DPP10: variants seen among roughly 807,000 people sequenced by gnomAD.
The protein encoded by DPP10 is inactive dipeptidyl peptidase 10.
A neutral mutation model predicts 120.9 loss-of-function variants in DPP10; 33 were observed. That is an observed-to-expected ratio of 0.27 (90% confidence interval 0.21 to 0.37). The LOEUF (loss-of-function observed/expected upper bound fraction) is 0.37. Ranked by LOEUF, DPP10 falls within the 10% of genes least tolerant of loss-of-function variation. DPP10 has a pLI of 1.00. For missense variants in DPP10, 816 were observed against 942.8 expected (o/e 0.87, Z 1.76); for synonymous variants, 337 against 326.1 (o/e 1.03, Z -0.36).
intron 1 of DPP10, among the ~76,000 whole-genome samples, chr2:114,795,389 G>A (rs1473084076): frequency 6.6e-6 from 1 of 152,110 alleles, no homozygotes; most frequent in Non-Finnish European, 1.5e-5. Flanking sequence ...CATTTGGGAG[G>A]CTGAGGCAGG....
intron 20 of DPP10, 115 bp downstream of exon 20, chr2:115,815,102 T>C (rs981220143): frequency 3.8e-6 from 4 of 1,063,210 alleles, no homozygotes; most frequent in Non-Finnish European, 3.8e-6. Flanking sequence ...TGAGCAATTT[T>C]GTAAGTTAAT....
At chr2:115,371,712 CT>C (rs1297368774) in intron 3 of DPP10, among the ~76,000 whole-genome samples, 1 of 151,892 alleles carries the variant, frequency 6.6e-6, no homozygotes, top group African/African-American at 2.4e-5. Context: ...CAGAATAATT[CT>C]GATATCCAAA....
intron 3 of DPP10, among the ~76,000 whole-genome samples, chr2:115,345,762 A>C (rs2063682793): frequency 6.6e-6 from 1 of 152,152 alleles, no homozygotes. Flanking sequence ...CTGCATGCTA[A>C]ATTAAAACAT....
chr2:115,228,017 G>C (rs1213973393), intron 1 of DPP10, among the ~76,000 whole-genome samples: 1 of 151,296 alleles, frequency 6.6e-6, no homozygotes, highest in Non-Finnish European at 1.5e-5. Context: ...GACCACCCTG[G>C]ACTCAACCAA....
intron 3 of DPP10, among the ~76,000 whole-genome samples, chr2:115,380,045 A>T (rs1304489379): frequency 6.6e-6 from 1 of 151,970 alleles, no homozygotes; most frequent in Non-Finnish European, 1.5e-5. Flanking sequence ...TGGGGTGGAG[A>T]GTTCTGTAGA....
intron 1 of DPP10, among the ~76,000 whole-genome samples, chr2:114,483,399 TC>T (rs1455487849): frequency 6.6e-6 from 1 of 152,038 alleles, no homozygotes; most frequent in Non-Finnish European, 1.5e-5. Flanking sequence ...GCATTCAGCT[TC>T]CCTGTTAAAA....
intron 17 of DPP10, among the ~76,000 whole-genome samples, chr2:115,788,833 C>T (rs1683616781): frequency 6.6e-6 from 1 of 151,920 alleles, no homozygotes. Context: ...AAATATAAGG[C>T]AGGCCAGGCG....
At chr2:114,478,747 A>G (rs1010477166) in intron 1 of DPP10, among the ~76,000 whole-genome samples, 4 of 152,000 alleles carry the variant, frequency 2.6e-5, no homozygotes, top group Non-Finnish European at 2.9e-5. Context: ...ATGCAAGATC[A>G]GCATGCAAAA....
At chr2:114,872,378 A>G (rs566999439) in intron 1 of DPP10, among the ~76,000 whole-genome samples, 1 of 152,120 alleles carries the variant, frequency 6.6e-6, no homozygotes, top group African/African-American at 2.4e-5. Context: ...CATGATCGAA[A>G]TCACCTCCCA....
chr2:115,550,176 G>C (rs1331806179), intron 5 of DPP10, among the ~76,000 whole-genome samples: 1 of 152,110 alleles, frequency 6.6e-6, no homozygotes, highest in Non-Finnish European at 1.5e-5. Context: ...GTCAGTAATG[G>C]CTCTTATAAA....
intron 1 of DPP10, among the ~76,000 whole-genome samples, chr2:115,152,389 T>C (rs1314699226): frequency 2.6e-5 from 4 of 152,236 alleles, no homozygotes; most frequent in African/African-American, 9.6e-5. Flanking sequence ...TGTTTCCTTG[T>C]AGCAACTTTG....
chr2:114,891,559 G>A (rs1354486946), intron 1 of DPP10, among the ~76,000 whole-genome samples: 2 of 152,202 alleles, frequency 1.3e-5, no homozygotes, highest in Non-Finnish European at 1.5e-5. Context: ...CAAAGATGTG[G>A]AATGAGCTAT....
intron 7 of DPP10, among the ~76,000 whole-genome samples, chr2:115,696,006 A>G (rs2091567184): frequency 6.6e-6 from 1 of 152,130 alleles, no homozygotes; most frequent in Non-Finnish European, 1.5e-5. Context: ...TTGAGCAGGG[A>G]GAAGAAAGAA....
At position 114,497,265 on chromosome 2, in the gene DPP10, A is replaced by ACGTGTATG. The variant is rs1558813841; in HGVS notation, c.60+54428_60+54429insGTGTATGC. Reference sequence around the variant, plus strand: ...CATGTGTATGCATGTACGTGTGTATACATGTACATGTATACGTGTATACAT... The same window carrying ACGTGTATG: ...CATGTGTATGCATGTACGTGTGTATACGTGTATGCATGTACATGTATACGTGTATACAT... On this transcript the variant is annotated intron_variant, in intron 1 of 25. Transcript: ENST00000410059. 7.5e-4 allele frequency among the ~76,000 whole-genome samples: 51 copies of ACGTGTATG among 68,000 alleles called. 2 individuals are homozygous for ACGTGTATG. Among genetic ancestry groups the ACGTGTATG allele is most frequent in the African/African-American group, 2.8e-3 (49 of 17,512 alleles). 44.6% of individuals were successfully genotyped at this position (68,000 alleles called of 152,430 possible).
intron 5 of DPP10, among the ~76,000 whole-genome samples, chr2:115,657,088 T>C (rs1416644016): frequency 6.6e-6 from 1 of 151,646 alleles, no homozygotes. Context: ...TCCTAAGAAA[T>C]GCATAGTTTT....
rs1688544171 is a variant in DPP10 at position 114,846,323 on chromosome 2, G to T, written c.60+403485G>T. Among the ~76,000 whole-genome samples the T allele has an allele frequency of 3.3e-5, 5 of 152,078 alleles. No homozygotes were observed. The South Asian group carries it at 1.0e-3, about 32-fold the overall frequency. ...AAGTAATTTTCATGAATTTAAATAT[G>T]CTGATCAATTACTCAAAAAATATTC... On this transcript the variant is annotated intron_variant, in intron 1 of 25. Transcript: ENST00000410059.
At chr2:115,333,793 G>A (rs546234481) in intron 2 of DPP10, among the ~76,000 whole-genome samples, 16 of 152,138 alleles carry the variant, frequency 1.1e-4, no homozygotes, top group South Asian at 1.0e-3. Context: ...CGAGAGATCC[G>A]CTGTTAGTCT....
At chr2:114,525,901 G>A (rs950734137) in intron 1 of DPP10, among the ~76,000 whole-genome samples, 2 of 152,168 alleles carry the variant, frequency 1.3e-5, no homozygotes, top group African/African-American at 4.8e-5. Context: ...TGGCTGGCCT[G>A]TATTCTTTCC....
intron 19 of DPP10, among the ~76,000 whole-genome samples, chr2:115,798,564 G>A (rs924349377): frequency 2.0e-5 from 3 of 152,046 alleles, no homozygotes; most frequent in African/African-American, 7.2e-5. Flanking sequence ...CTATGATGAT[G>A]GGAGGCTAGG....
Sources: gnomAD v4.1 joint callset for allele counts (sites outside exome capture counted in the v4.1 genomes callset) on GRCh38, gnomAD v4.1.1 for gene constraint, MANE v1.5 for transcripts, NCBI Gene and HGNC (gene_info 2026-07-23, HGNC 2026-07-21) for gene names.